The following NRG1 variants were observed in gnomAD, a reference collection of about 807,000 sequenced individuals.
The protein encoded by NRG1 is pro-neuregulin-1, membrane-bound isoform.
NRG1 carries 18 observed loss-of-function variants against 63.8 expected under a neutral mutation model. The observed-to-expected ratio is 0.28, with a 90% CI of 0.19 to 0.42. The LOEUF (loss-of-function observed/expected upper bound fraction) is 0.42. Among genes scored for constraint, NRG1 ranks in the 10% least tolerant of loss-of-function variants. The pLI is 1.00. For synonymous variants in NRG1, 302 were observed against 301.3 expected (o/e 1.00, Z -0.02); for missense variants, 762 against 814.7 (o/e 0.94, Z 0.79).
chr8:31,954,796 G>A (rs374822166), intron 1 of NRG1, among the ~76,000 whole-genome samples: 13 of 152,220 alleles, frequency 8.5e-5, no homozygotes, highest in Admixed American at 5.2e-4. Flanking sequence ...ACAAGATAGC[G>A]ATTTCCCCTA....
chr8:32,064,084 A>G (rs564913290), intron 1 of NRG1, among the ~76,000 whole-genome samples: 28 of 152,206 alleles, frequency 1.8e-4, no homozygotes, highest in African/African-American at 6.0e-4. Flanking sequence ...ACAACCCAAC[A>G]TTAAAAACCC....
chr8:32,160,889 G>A (rs771406070), intron 1 of NRG1, among the ~76,000 whole-genome samples: 12 of 152,030 alleles, frequency 7.9e-5, no homozygotes, highest in South Asian at 2.1e-4. Flanking sequence ...CTAAATTCCC[G>A]TAGAAAAGCC....
At chr8:31,721,814 G>C (rs1812947796) in intron 1 of NRG1, among the ~76,000 whole-genome samples, 1 of 151,960 alleles carries the variant, frequency 6.6e-6, no homozygotes, top group South Asian at 2.1e-4. Flanking sequence ...CAGTTGTCCA[G>C]GTTATCGCAA....
At chr8:32,142,575 G>T (rs1352073587) in intron 1 of NRG1, among the ~76,000 whole-genome samples, 1 of 152,126 alleles carries the variant, frequency 6.6e-6, no homozygotes. Context: ...GCCAGCTACT[G>T]GTATGGAGAA....
intron 1 of NRG1, among the ~76,000 whole-genome samples, chr8:32,498,047 T>C (rs944750903): frequency 6.6e-6 from 1 of 152,164 alleles, no homozygotes; most frequent in Non-Finnish European, 1.5e-5. Flanking sequence ...AGTCTCGAAC[T>C]CCTGACCTCA....
At chr8:31,981,244 A>G (rs1340340853) in intron 1 of NRG1, among the ~76,000 whole-genome samples, 1 of 152,190 alleles carries the variant, frequency 6.6e-6, no homozygotes, top group East Asian at 1.9e-4. Context: ...TACAAAGAAC[A>G]ATGTATAGCC....
intron 5 of NRG1, among the ~76,000 whole-genome samples, chr8:32,719,087 T>G (rs966973505): frequency 2.0e-5 from 3 of 152,148 alleles, no homozygotes; most frequent in African/African-American, 7.2e-5. Context: ...TGTTTGACAG[T>G]CATGGAAATC....
chr8:32,337,123 G>C (rs748459740), intron 1 of NRG1, among the ~76,000 whole-genome samples: 2 of 152,092 alleles, frequency 1.3e-5, no homozygotes, highest in African/African-American at 2.4e-5. Context: ...CTATCCTCCT[G>C]TCTCAGCCTC....
intron 5 of NRG1, among the ~76,000 whole-genome samples, chr8:32,718,774 C>T (rs988465330): frequency 5.3e-5 from 8 of 152,150 alleles, no homozygotes; most frequent in African/African-American, 1.4e-4. Context: ...GCCAAATTCA[C>T]CTTCTTAATA....
At chr8:31,981,137 C>T (rs899598237) in intron 1 of NRG1, among the ~76,000 whole-genome samples, 41 of 152,054 alleles carry the variant, frequency 2.7e-4, no homozygotes, top group African/African-American at 7.9e-4. Flanking sequence ...GGGACTTTGG[C>T]CACATACCAT....
chr8:32,515,693 G>A (rs892597050), intron 1 of NRG1, among the ~76,000 whole-genome samples: 5 of 152,102 alleles, frequency 3.3e-5, no homozygotes, highest in Non-Finnish European at 7.4e-5. Context: ...TCCCACCTTA[G>A]CCTCCAGAAG....
intron 1 of NRG1, among the ~76,000 whole-genome samples, chr8:31,881,853 T>C (rs1033190548): frequency 3.9e-5 from 6 of 152,120 alleles, no homozygotes; most frequent in Non-Finnish European, 7.4e-5. Flanking sequence ...AGAAGAAAAG[T>C]TGGAACCTGG....
intron 1 of NRG1, among the ~76,000 whole-genome samples, chr8:31,717,269 T>C (rs987930209): frequency 3.3e-5 from 5 of 151,698 alleles, no homozygotes; most frequent in Admixed American, 2.6e-4. Context: ...TTGCTGAGTG[T>C]GATGGTGCAC....
intron 1 of NRG1, among the ~76,000 whole-genome samples, chr8:31,959,532 G>C (rs1163967781): frequency 6.6e-6 from 1 of 152,028 alleles, no homozygotes; most frequent in Non-Finnish European, 1.5e-5. Context: ...ACAGGAGAAC[G>C]TAAGACCAGC....
intron 1 of NRG1, among the ~76,000 whole-genome samples, chr8:32,397,376 T>G (rs1184964928): frequency 1.3e-5 from 2 of 152,202 alleles, no homozygotes; most frequent in Non-Finnish European, 2.9e-5. Context: ...TTTGTTAATA[T>G]GTATAAAAAC....
chr8:32,623,407 C>G (rs1244865922), intron 5 of NRG1, among the ~76,000 whole-genome samples: 1 of 152,202 alleles, frequency 6.6e-6, no homozygotes, highest in Admixed American at 6.5e-5. Context: ...GTGAACCTCT[C>G]CTGCCACTGT....
At chr8:31,779,380 A>G (rs1819459228) in intron 1 of NRG1, among the ~76,000 whole-genome samples, 1 of 152,016 alleles carries the variant, frequency 6.6e-6, no homozygotes, top group Non-Finnish European at 1.5e-5. Flanking sequence ...GGGTTGGTGA[A>G]GCATTTTGCT....
intron 1 of NRG1, among the ~76,000 whole-genome samples, chr8:32,460,483 C>T (rs533088203): frequency 6.6e-6 from 1 of 152,312 alleles, no homozygotes; most frequent in Admixed American, 6.5e-5. Context: ...TAAACCCAAA[C>T]GCCTTTCAAC....
At chr8:31,811,554 T>C (rs1822890960) in intron 1 of NRG1, among the ~76,000 whole-genome samples, 1 of 152,212 alleles carries the variant, frequency 6.6e-6, no homozygotes, top group South Asian at 2.1e-4. Flanking sequence ...TTTGCCTCTA[T>C]TGTATGTTAC....
Sources: allele counts gnomAD v4.1 joint callset (sites outside exome capture counted in the v4.1 genomes callset), GRCh38; gene constraint gnomAD v4.1.1; transcripts MANE v1.5; gene names NCBI Gene and HGNC (gene_info 2026-07-23, HGNC 2026-07-21).